SLC9A9: variants seen among roughly 807,000 people sequenced by gnomAD.
SLC9A9 encodes sodium/hydrogen exchanger 9.
In SLC9A9, 62 loss-of-function variants were observed where a neutral mutation model predicts 77.8. The ratio of observed to expected loss-of-function variants is 0.80; its 90% CI spans 0.65 to 0.98. The LOEUF (loss-of-function observed/expected upper bound fraction) is 0.98. SLC9A9 is among the 50% of genes least tolerant of loss of function. SLC9A9 has a pLI of 0.00. For synonymous variants in SLC9A9, 320 were observed against 283.5 expected (o/e 1.13, Z -1.29); for missense variants, 775 against 774.9 (o/e 1.00, Z 0.00).
chr3:143,347,889 A>G (rs1261108958), intron 14 of SLC9A9, among the ~76,000 whole-genome samples: 1 of 152,188 alleles, frequency 6.6e-6, no homozygotes, highest in African/African-American at 2.4e-5. Flanking sequence ...GGTGACAATC[A>G]ATTTAAATTA....
At chr3:143,815,970 G>A (rs1348693274) in intron 2 of SLC9A9, among the ~76,000 whole-genome samples, 1 of 152,150 alleles carries the variant, frequency 6.6e-6, no homozygotes, top group Non-Finnish European at 1.5e-5. Context: ...TTTGTTCAGA[G>A]GCAGCACCAA....
chr3:143,644,375 G>A (rs768018671), intron 6 of SLC9A9, among the ~76,000 whole-genome samples: 1 of 152,216 alleles, frequency 6.6e-6, no homozygotes, highest in Non-Finnish European at 1.5e-5. Context: ...TCTAAGTTAC[G>A]GGGTAGAGTT....
chr3:143,555,437 T>G (rs1265782639), intron 8 of SLC9A9, among the ~76,000 whole-genome samples: 1 of 152,208 alleles, frequency 6.6e-6, no homozygotes, highest in African/African-American at 2.4e-5. Flanking sequence ...TCCTAATGAT[T>G]AGAGCAGTAC....
chr3:143,514,771 C>T (rs527732397), intron 9 of SLC9A9, among the ~76,000 whole-genome samples: 1 of 152,334 alleles, frequency 6.6e-6, no homozygotes, highest in African/African-American at 2.4e-5. Context: ...AGGCTTTTGG[C>T]TTAAGGGAAT....
chr3:143,733,409 G>A (rs1462426413), intron 4 of SLC9A9, among the ~76,000 whole-genome samples: 2 of 152,106 alleles, frequency 1.3e-5, no homozygotes, highest in Non-Finnish European at 2.9e-5. Flanking sequence ...TCCCTGGGCT[G>A]GGGGTTGGGT....
At chr3:143,295,260 C>T (rs1296367153) in intron 14 of SLC9A9, among the ~76,000 whole-genome samples, 1 of 152,188 alleles carries the variant, frequency 6.6e-6, no homozygotes, top group Non-Finnish European at 1.5e-5. Context: ...TCCCCTTTGC[C>T]ATGGTTCCCA....
At chr3:143,522,336 T>A (rs189513787) in intron 9 of SLC9A9, among the ~76,000 whole-genome samples, 2 of 152,276 alleles carry the variant, frequency 1.3e-5, no homozygotes, top group East Asian at 3.9e-4. Flanking sequence ...CAATCCCTAT[T>A]TATTTCTAAA....
At chr3:143,772,380 A>G (rs1458038885) in intron 4 of SLC9A9, among the ~76,000 whole-genome samples, 1 of 152,334 alleles carries the variant, frequency 6.6e-6, no homozygotes, top group East Asian at 1.9e-4. Flanking sequence ...AAATAATTTT[A>G]GTTACAGAAA....
At chr3:143,381,789 T>C (rs2033309281) in intron 13 of SLC9A9, among the ~76,000 whole-genome samples, 1 of 152,218 alleles carries the variant, frequency 6.6e-6, no homozygotes, top group Non-Finnish European at 1.5e-5. Flanking sequence ...AAGTGCCTCA[T>C]TCCAAGAGCC....
At chr3:143,432,310 T>C (rs2034534596) in intron 12 of SLC9A9, among the ~76,000 whole-genome samples, 1 of 152,196 alleles carries the variant, frequency 6.6e-6, no homozygotes, top group Admixed American at 6.5e-5. Flanking sequence ...TGATGATGTA[T>C]GTAGTGGGAA....
At chr3:143,501,912 G>A (rs544408245) in intron 9 of SLC9A9, among the ~76,000 whole-genome samples, 31 of 150,762 alleles carry the variant, frequency 2.1e-4, no homozygotes, top group East Asian at 7.7e-4. Context: ...CAATTTGACC[G>A]TTAGGACTTC....
chr3:143,343,450 C>G (rs1255205111), intron 14 of SLC9A9: 1 of 152,106 alleles, frequency 6.6e-6, no homozygotes, highest in Admixed American at 6.5e-5. Flanking sequence ...AACAGCTAGG[C>G]AAGAACTGCC....
At chr3:143,794,321 A>AT (rs34318652) in intron 4 of SLC9A9, among the ~76,000 whole-genome samples, 25 of 149,802 alleles carry the variant, frequency 1.7e-4, no homozygotes, top group Admixed American at 4.7e-4. Context: ...GTACCTGGAC[A>AT]TTTTTTTTTT....
intron 13 of SLC9A9, chr3:143,371,945 C>T: frequency 2.6e-6 from 1 of 379,454 alleles, no homozygotes; most frequent in Non-Finnish European, 5.2e-6. Flanking sequence ...AGAATCAAAT[C>T]AAGAACTCAA....
At chr3:143,395,277 C>A (rs1161981479) in intron 12 of SLC9A9, among the ~76,000 whole-genome samples, 1 of 152,066 alleles carries the variant, frequency 6.6e-6, no homozygotes, top group Non-Finnish European at 1.5e-5. Context: ...CAGAACAGAG[C>A]CCTCAGAAAT....
chr3:143,684,450 A>G (rs1411884344), intron 5 of SLC9A9, among the ~76,000 whole-genome samples: 2 of 152,104 alleles, frequency 1.3e-5, no homozygotes, highest in Non-Finnish European at 2.9e-5. Flanking sequence ...CTCATTTTAG[A>G]TAAGTATTTA....
chr3:143,346,300 C>T (rs1010775728), intron 14 of SLC9A9, among the ~76,000 whole-genome samples: 1 of 152,064 alleles, frequency 6.6e-6, no homozygotes, highest in East Asian at 1.9e-4. Context: ...AGGATGAAAA[C>T]CAAAACTTTA....
chr3:143,552,850 A>T (rs1474801235), intron 8 of SLC9A9, among the ~76,000 whole-genome samples: 1 of 152,172 alleles, frequency 6.6e-6, no homozygotes, highest in African/African-American at 2.4e-5. Flanking sequence ...TTTCTGAAAG[A>T]TATTTGCTTT....
At chr3:143,430,092 G>C (rs2034483872) in intron 12 of SLC9A9, among the ~76,000 whole-genome samples, 1 of 152,162 alleles carries the variant, frequency 6.6e-6, no homozygotes, top group Non-Finnish European at 1.5e-5. Context: ...CTAGGGGAGA[G>C]GGCATTTTCA....
Sources: allele counts gnomAD v4.1 joint callset (sites outside exome capture counted in the v4.1 genomes callset), GRCh38; gene constraint gnomAD v4.1.1; transcripts MANE v1.5; gene names NCBI Gene and HGNC (gene_info 2026-07-23, HGNC 2026-07-21).